Variants in AGAP2 observed in about 807,000 individuals in gnomAD.
The protein encoded by AGAP2 is ArfGAP with GTPase domain, ankyrin repeat and PH domain 2, also known as arf-GAP with GTPase, ANK repeat and PH domain-containing protein 2.
A neutral mutation model predicts 110.9 loss-of-function variants in AGAP2; 32 were observed. That is an observed-to-expected ratio of 0.29 (90% CI 0.22 to 0.39). AGAP2 has a LOEUF of 0.39. Among genes scored for constraint, AGAP2 ranks in the 10% least tolerant of loss-of-function variants. AGAP2 has a pLI of 1.00. For missense variants in AGAP2, 1,285 were observed against 1,638.5 expected (o/e 0.78, Z 3.72); for synonymous variants, 702 against 713.0 (o/e 0.98, Z 0.25).
intron 14 of AGAP2, 104 bp from the exon 15 acceptor site, chr12:57,728,189 G>A (rs1054026839): frequency 1.3e-6 from 2 of 1,514,496 alleles, no homozygotes; most frequent in Non-Finnish European, 1.8e-6. Context: ...CCTGGGAGTG[G>A]GGCAGTGGGG....
chr12:57,726,586 A>G lies in AGAP2; in HGVS notation c.3545T>C (p.Val1182Ala). ...SPRRRSSAAS[V>A]GRADAPVALV ...CGCAACCGGGGCGTCGGCGCGGCCC[A>G]CGCTAGCGGCGCTGCTCCGGCGGCG... The change falls in exon 19 of 19, where the codon GTG becomes GCG. Residue 1182 changes from valine (V) to alanine (A), a missense_variant. Physicochemically the swap from Val to Ala is moderately conservative, Grantham distance 64. Coordinates refer to ENST00000547588, the MANE Select transcript of AGAP2 (RefSeq NM_001122772.3). The surrounding 1 kb of genome is among the most constrained non-coding windows in gnomAD (Gnocchi z 5.7). The G allele has an allele frequency of 1.7e-6, 2 of 1,205,618 alleles. 1 individual carries two copies. Among genetic ancestry groups the G allele is most frequent in the South Asian group, 8.1e-5 (2 of 24,784 alleles). The allele number at this position is 1,205,618 out of a possible 1,614,324, so 74.7% of individuals were successfully genotyped here.
In AGAP2 at chr12:57,731,857, G is replaced by C. The variant is rs1338217509; in HGVS notation, c.1905C>G (p.Thr635=). 6.2e-7 allele frequency: 1 copy of C among 1,604,846 alleles called. No homozygotes were observed. The highest frequency in any genetic ancestry group is 1.1e-5 in the South Asian group (1 of 89,468). The part of the protein sequence containing the change: ...AEAAAVAGLS[T]PGSLHRAAKR... ...TGGCTGCCCGGTGCAGGGACCCTGGGGTGCTCAATCCAGCCACTGCAGCTG... is the reference window on the plus strand; with the variant it reads ...TGGCTGCCCGGTGCAGGGACCCTGGCGTGCTCAATCCAGCCACTGCAGCTG... Residue 635 remains threonine (T), a synonymous_variant, in exon 8 of 19, where the codon ACC becomes ACG. Transcript: ENST00000547588.
intron 2 of AGAP2, 83 bp downstream of exon 2, chr12:57,735,283 GAGA>G (rs1954958195): frequency 4.8e-6 from 6 of 1,247,406 alleles, no homozygotes; most frequent in Admixed American, 1.9e-5. Flanking sequence ...GAGAGAGAGA[GAGA>G]AGGAGAGGTG....
At chr12:57,736,119 T>A (rs1954976943) in intron 1 of AGAP2, among the ~76,000 whole-genome samples, 1 of 150,516 alleles carries the variant, frequency 6.6e-6, no homozygotes, top group Non-Finnish European at 1.5e-5. Flanking sequence ...CCCCCGCGCC[T>A]GACACCGGCC....
chr12:57,730,475 G>T lies in AGAP2; in HGVS notation c.2428+20C>A, dbSNP rs1954863675. 2 of 1,613,150 alleles carry T rather than the reference G, an allele frequency of 1.2e-6. No homozygotes were observed. The highest frequency in any genetic ancestry group is 4.5e-5 in the East Asian group (2 of 44,882). On this transcript the variant is annotated intron_variant, in intron 12 of 18. Coordinates refer to ENST00000547588, the MANE Select transcript of AGAP2 (RefSeq NM_001122772.3). ...TATTTGGGTGTGGAAGACAGCAGATGGAAGGTCATCCCCACTGACCCGTGC... is the reference window on the plus strand; with the variant it reads ...TATTTGGGTGTGGAAGACAGCAGATTGAAGGTCATCCCCACTGACCCGTGC...
At chr12:57,730,255 G>A (rs963077491) in intron 12 of AGAP2, 4 of 563,714 alleles carry the variant, frequency 7.1e-6, no homozygotes, top group African/African-American at 1.9e-5. Flanking sequence ...CTGAGGCACG[G>A]AGAGGTCAAG....
intron 7 of AGAP2, 62 bp from the exon 8 acceptor site, chr12:57,732,029 A>C: frequency 2.2e-5 from 34 of 1,547,708 alleles, no homozygotes; most frequent in Non-Finnish European, 2.5e-5. Flanking sequence ...AGCTACACTC[A>C]TATCTCGTTA....
intron 5 of AGAP2, among the ~76,000 whole-genome samples, chr12:57,733,201 GTGTGTGTGTGTGTCC>G (rs1463452122): frequency 1.3e-5 from 2 of 152,068 alleles, no homozygotes; most frequent in Non-Finnish European, 2.9e-5. Context: ...GTGTGTGTGT[GTGTGTGTGTGTGTCC>G]TCAAGGAATA....
chr12:57,724,748 G>C (rs1177800723), downstream of AGAP2: 1 of 152,264 alleles, frequency 6.6e-6, no homozygotes, highest in Non-Finnish European at 1.5e-5. Context: ...CGCCTTTCAG[G>C]TGCCCTCTGA....
rs1954865448 is a variant in AGAP2, at chr12:57,730,566, T to C, written c.2357A>G (p.Gln786Arg). 3 of 1,614,056 alleles carry C rather than the reference T, an allele frequency of 1.9e-6. No homozygotes were observed. The African/African-American group carries it at 4.0e-5, about 22-fold the overall frequency. Residue 786 changes from glutamine (Q) to arginine (R), a missense_variant, in exon 12 of 19, where the codon CAG becomes CGG. Transcript: ENST00000547588. ...TTTGGATGTCTGATCTGGTGGTGGCTGCAGGGAACTGGGGCTGGGGCTAGG... is the reference window on the plus strand; with the variant it reads ...TTTGGATGTCTGATCTGGTGGTGGCCGCAGGGAACTGGGGCTGGGGCTAGG... The part of the protein sequence containing the change: ...PSPSPSPSSL[Q>R]PPPDQTSKHL...
upstream of AGAP2, among the ~76,000 whole-genome samples, chr12:57,739,159 C>A (rs957545323): frequency 3.9e-5 from 6 of 152,040 alleles, no homozygotes; most frequent in East Asian, 1.9e-4. Flanking sequence ...GGTTAGGAAG[C>A]GCGATTGTGA....
Position 57,728,397 on chromosome 12 carries a change from G to C in AGAP2, c.2558-20C>G. 1 of 1,612,534 alleles carries C rather than the reference G, an allele frequency of 6.2e-7. No individual in the cohort carries two copies. Among genetic ancestry groups the C allele is most frequent in the South Asian group, 1.1e-5 (1 of 91,028 alleles). ...GCTTGGCTGGTTTCCCGAAGCGAAGGAGATAGAGATAGAATGGAGAGCAGA... is the reference window on the plus strand; with the variant it reads ...GCTTGGCTGGTTTCCCGAAGCGAAGCAGATAGAGATAGAATGGAGAGCAGA... On this transcript the variant is annotated intron_variant, in intron 13 of 18. Coordinates refer to ENST00000547588, the MANE Select transcript of AGAP2 (RefSeq NM_001122772.3).
At chr12:57,736,495 G>A (rs1954984316) in intron 1 of AGAP2, among the ~76,000 whole-genome samples, 1 of 152,034 alleles carries the variant, frequency 6.6e-6, no homozygotes, top group African/African-American at 2.4e-5. Flanking sequence ...CTTCCTATCC[G>A]CCCCCTCTCA....
chr12:57,734,916 C>T (rs1954952452), intron 2 of AGAP2, among the ~76,000 whole-genome samples: 1 of 151,934 alleles, frequency 6.6e-6, no homozygotes, highest in South Asian at 2.1e-4. Flanking sequence ...CAAAGTGGAG[C>T]ACGAGCTGAA....
At position 57,738,589 on chromosome 12, in the gene AGAP2, T is replaced by A. The variant is rs969932547; in HGVS notation, c.-343A>T. On this transcript the variant is annotated 5_prime_UTR_variant, in exon 1 of 19. Transcript: ENST00000547588. The surrounding 1 kb of genome is among the most constrained non-coding windows in gnomAD (Gnocchi z 6.7). ...CGGGGAGGACAGTAGTGGGGGCAAA[T>A]GGGGGAGAGAGAGGAAAAGGGAGCA... Among the ~76,000 whole-genome samples, 2 of 141,468 alleles carry A rather than the reference T, an allele frequency of 1.4e-5. No homozygotes were observed. Among genetic ancestry groups the A allele is most frequent in the Non-Finnish European group, 3.1e-5 (2 of 64,390 alleles). The allele number at this position is 141,468 out of a possible 152,430, so 92.8% of individuals were successfully genotyped here.
At chr12:57,724,934 A>T (rs918967877), downstream of AGAP2, 12 of 150,920 alleles carry the variant, frequency 8.0e-5, no homozygotes, top group Middle Eastern at 3.1e-3. Flanking sequence ...CCATATCCCA[A>T]CTCTCCCAGG....
intron 15 of AGAP2, 48 bp downstream of exon 15, chr12:57,727,889 C>G: frequency 1.2e-6 from 2 of 1,610,172 alleles, no homozygotes; most frequent in Non-Finnish European, 8.5e-7. Flanking sequence ...CCGTCAGCAC[C>G]AGGGTCAGTT....
chr12:57,736,870 C>G (rs1308799677), intron 1 of AGAP2, among the ~76,000 whole-genome samples: 2 of 152,224 alleles, frequency 1.3e-5, no homozygotes, highest in Non-Finnish European at 2.9e-5. Context: ...CCTCTGAAAT[C>G]AAGTCCTTTC....
chr12:57,729,676 T>A lies in AGAP2; in HGVS notation c.2520A>T (p.Thr840=). Residue 840 remains threonine, a synonymous_variant, in exon 13 of 19, where the codon ACA becomes ACT. Transcript: ENST00000547588. The part of the protein sequence containing the change: ...VKKQRRKKLT[T]PSKTEGSAGQ... ...CAGCCGAGCCTTCAGTCTTGGATGG[T>A]GTTGTCAATTTTTTCCTCCTCTGCT... 6.2e-7 allele frequency: 1 copy of A among 1,613,494 alleles called. No homozygotes were observed. Among genetic ancestry groups the A allele is most frequent in the East Asian group, 2.2e-5 (1 of 44,814 alleles).
Sources: allele counts gnomAD v4.1 joint callset (sites outside exome capture counted in the v4.1 genomes callset), GRCh38; gene constraint gnomAD v4.1.1; non-coding constraint Gnocchi (gnomAD v3.1); transcripts MANE v1.5; gene names NCBI Gene and HGNC (gene_info 2026-07-23, HGNC 2026-07-21).